The following FBXO25 variants were observed in gnomAD, a reference collection of about 807,000 sequenced individuals.
FBXO25 encodes the protein F-box only protein 25.
FBXO25 carries 45 observed loss-of-function variants against 51.9 expected under a neutral mutation model. The observed-to-expected ratio is 0.87, with a 90% CI of 0.68 to 1.11. FBXO25 has a LOEUF of 1.11. Ranked by LOEUF, FBXO25 falls within the 50% of genes most tolerant of loss-of-function variation. FBXO25 has a pLI of 0.00. For missense variants in FBXO25, 507 were observed against 428.5 expected (o/e 1.18, Z -1.62); for synonymous variants, 199 against 151.0 (o/e 1.32, Z -2.33).
Position 467,827 on chromosome 8 carries a change from C to T in FBXO25, c.988-888C>T, listed in dbSNP as rs773369441. 5.6e-6 allele frequency: 9 copies of T among 1,601,184 alleles called. No individual in the cohort carries two copies. In the South Asian group the frequency reaches 9.9e-5, roughly 18 times the overall value. On this transcript the variant is annotated intron_variant, in intron 9 of 9. Coordinates refer to ENST00000350302, the MANE Select transcript of FBXO25 (RefSeq NM_183420.2). ...CTGCATCTCATGCACGTCATCTTGG[C>T]CACTGCCCGGCTCGATTCCAGCTCT...
chr8:422,655 A>G (rs1441010531), intron 2 of FBXO25, among the ~76,000 whole-genome samples: 3 of 152,228 alleles, frequency 2.0e-5, no homozygotes, highest in Admixed American at 2.0e-4. Context: ...TGCAAGTCTA[A>G]AATCACCTTT....
rs200080166 is a variant in FBXO25, at chr8:468,762, G to A, written c.1035G>A (p.Thr345=). 18 of 1,613,944 alleles carry A rather than the reference G, an allele frequency of 1.1e-5. No homozygotes were observed. The highest frequency in any genetic ancestry group is 8.0e-5 in the African/African-American group (6 of 74,996). Residue 345 remains threonine (T), a synonymous_variant, in exon 10 of 10, where the codon ACG becomes ACA. Coordinates refer to ENST00000350302, the MANE Select transcript of FBXO25 (RefSeq NM_183420.2). ...CGGCCGACCCTGACAGCTGCTTCAC[G>A]CCTGTGTCTCCGCAGCACTTCATCG... ...CTAADPDSCF[T]PVSPQHFIDL...
At chr8:425,644 A>T (rs571845846) in intron 2 of FBXO25, among the ~76,000 whole-genome samples, 3 of 151,938 alleles carry the variant, frequency 2.0e-5, no homozygotes, top group African/African-American at 7.2e-5. Flanking sequence ...ATTTAATGCT[A>T]TAAAGTTGCC....
rs1483333539 is a variant in FBXO25 at position 474,068 on chromosome 8, A to G, written c.*5264A>G. ...CAACTTTACAAGATGAACTTTTGTC[A>G]TCTTGTAAAACTGAAGCTCTGTACC... On this transcript the variant is annotated 3_prime_UTR_variant, in exon 10 of 10. Coordinates refer to ENST00000350302, the MANE Select transcript of FBXO25 (RefSeq NM_183420.2). The G allele has an allele frequency of 6.6e-6, 1 of 152,252 alleles. No homozygotes were observed. Among genetic ancestry groups the G allele is most frequent in the African/African-American group, 2.4e-5 (1 of 41,426 alleles). 9.4% of individuals were successfully genotyped at this position (152,252 alleles called of 1,614,324 possible). A position where few individuals can be genotyped will look rare whatever the true frequency, so the allele number is the denominator to read the frequency against.
chr8:438,224 CT>C (rs1171503903), intron 5 of FBXO25, among the ~76,000 whole-genome samples: 1 of 151,828 alleles, frequency 6.6e-6, no homozygotes, highest in Non-Finnish European at 1.5e-5. Context: ...CTGGCTAATT[CT>C]TTTTTGTATT....
In FBXO25 at chr8:458,396, G is replaced by C. The variant is rs202025813; in HGVS notation, c.688G>C (p.Asp230His). The C allele has an allele frequency of 1.9e-4, 299 of 1,613,860 alleles. 3 individuals are homozygous for C. Among genetic ancestry groups the C allele is most frequent in the Non-Finnish European group, 2.4e-4 (278 of 1,179,952 alleles). Residue 230 changes from aspartate (D) to histidine (H), a missense_variant, in exon 8 of 10, where the codon GAC becomes CAC. Transcript: ENST00000350302. ...KQVNNGLTLS[D>H]LPLHMLNNIL... ...AGTGAACAATGGCCTCACCCTCAGT[G>C]ACCTTCCTCTGCACATGCTGAACAA...
intron 9 of FBXO25, among the ~76,000 whole-genome samples, chr8:463,958 C>T (rs921780334): frequency 2.7e-5 from 4 of 148,126 alleles, no homozygotes; most frequent in African/African-American, 2.5e-5. Flanking sequence ...CCAGCTAATT[C>T]ACTTCTTTTT....
chr8:448,434 G>C (rs1016098340), intron 5 of FBXO25, among the ~76,000 whole-genome samples: 1 of 152,202 alleles, frequency 6.6e-6, no homozygotes, highest in African/African-American at 2.4e-5. Context: ...TTCAGATAGT[G>C]GAGTAATCCT....
intron 2 of FBXO25, among the ~76,000 whole-genome samples, chr8:418,192 C>A (rs554849791): frequency 3.3e-5 from 5 of 152,054 alleles, no homozygotes; most frequent in African/African-American, 1.2e-4. Flanking sequence ...ATGCCATCTG[C>A]GTTTTGGGGA....
chr8:421,969 G>T (rs572473085), intron 2 of FBXO25, among the ~76,000 whole-genome samples: 2 of 152,286 alleles, frequency 1.3e-5, no homozygotes, highest in South Asian at 4.1e-4. Context: ...ATACATAAAT[G>T]AATGTATAAG....
At chr8:417,271 C>T (rs1040276043) in intron 2 of FBXO25, among the ~76,000 whole-genome samples, 1 of 152,162 alleles carries the variant, frequency 6.6e-6, no homozygotes, top group Non-Finnish European at 1.5e-5. Flanking sequence ...TTGTTCAGGC[C>T]TATGCTTTAA....
At chr8:442,145 T>C (rs1798463154) in intron 5 of FBXO25, among the ~76,000 whole-genome samples, 1 of 152,170 alleles carries the variant, frequency 6.6e-6, no homozygotes, top group African/African-American at 2.4e-5. Flanking sequence ...TAATTTACTG[T>C]TGTATAATAA....
At chr8:412,301 C>T (rs966448692) in intron 1 of FBXO25, among the ~76,000 whole-genome samples, 1 of 152,124 alleles carries the variant, frequency 6.6e-6, no homozygotes, top group African/African-American at 2.4e-5. Flanking sequence ...AGATAACTTC[C>T]TTGATTTCCT....
In FBXO25 at chr8:468,776, A is replaced by G. The variant is rs763318717; in HGVS notation, c.1049A>G (p.Gln350Arg). ...AGCTGCTTCACGCCTGTGTCTCCGC[A>G]GCACTTCATCGACCTCTTCAAGTTT... The part of the protein sequence containing the change: ...PDSCFTPVSP[Q>R]HFIDLFKF The change falls in exon 10 of 10, where the codon CAG (glutamine) becomes CGG (arginine). Residue 350 changes from glutamine (Q) to arginine (R), a missense_variant. By Grantham distance (43) the Gln-to-Arg change is conservative (BLOSUM62 1). Coordinates refer to ENST00000350302, the MANE Select transcript of FBXO25 (RefSeq NM_183420.2). 1.1e-5 allele frequency: 18 copies of G among 1,613,996 alleles called. No individual in the cohort carries two copies. The South Asian group carries it at 1.9e-4, about 17-fold the overall frequency.
chr8:457,445 A>G (rs949842376), intron 7 of FBXO25, among the ~76,000 whole-genome samples: 2 of 152,200 alleles, frequency 1.3e-5, no homozygotes, highest in Admixed American at 6.5e-5. Context: ...ACACACATGT[A>G]TCTTCTGAGG....
chr8:468,865 G>T lies in FBXO25; in HGVS notation c.*61G>T. ...TCCTGCTGTCTGTGCAGGGCTCATA[G>T]TGAGTGTTCTGTGAGGTGGGTGGAG... On this transcript the variant is annotated 3_prime_UTR_variant, in exon 10 of 10. Transcript: ENST00000350302. 6.5e-7 allele frequency: 1 copy of T among 1,528,178 alleles called. No homozygotes were observed. The highest frequency in any genetic ancestry group is 1.2e-5 in the South Asian group (1 of 85,464). The allele number at this position is 1,528,178 out of a possible 1,614,324, so 94.7% of individuals were successfully genotyped here. A position where few individuals can be genotyped will look rare whatever the true frequency, so the allele number is the denominator to read the frequency against.
At chr8:422,017 G>C (rs542278584) in intron 2 of FBXO25, among the ~76,000 whole-genome samples, 17 of 152,192 alleles carry the variant, frequency 1.1e-4, no homozygotes, top group Non-Finnish European at 2.1e-4. Context: ...TAGAATTCCA[G>C]TTAATAAATA....
chr8:455,090 C>G (rs763164099), intron 7 of FBXO25, among the ~76,000 whole-genome samples: 1 of 152,088 alleles, frequency 6.6e-6, no homozygotes, highest in African/African-American at 2.4e-5. Flanking sequence ...GCAGAATTGA[C>G]TCCTGTGAGA....
intron 2 of FBXO25, among the ~76,000 whole-genome samples, chr8:419,609 A>C (rs1476222847): frequency 2.0e-5 from 3 of 152,194 alleles, no homozygotes; most frequent in Non-Finnish European, 4.4e-5. Flanking sequence ...AGATGTGTAT[A>C]TGCAAAAATA....
Sources: allele counts gnomAD v4.1 joint callset (sites outside exome capture counted in the v4.1 genomes callset), GRCh38; gene constraint gnomAD v4.1.1; transcripts MANE v1.5; gene names NCBI Gene and HGNC (gene_info 2026-07-23, HGNC 2026-07-21).